USP54: variants seen among roughly 807,000 people sequenced by gnomAD.
USP54 encodes the protein ubiquitin specific peptidase 54.
In USP54, 87 loss-of-function variants were observed where a neutral mutation model predicts 170.5. The ratio of observed to expected loss-of-function variants is 0.51; its 90% CI spans 0.43 to 0.61. USP54 has a LOEUF of 0.61. USP54 is among the 20% of genes least tolerant of loss of function. USP54 has a pLI of 0.00. For synonymous variants in USP54, 655 were observed against 742.8 expected (o/e 0.88, Z 1.92); for missense variants, 1,786 against 2,047.8 (o/e 0.87, Z 2.47).
intron 17 of USP54, among the ~76,000 whole-genome samples, chr10:73,522,636 A>C (rs1421121556): frequency 1.3e-5 from 2 of 152,250 alleles, no homozygotes; most frequent in Non-Finnish European, 2.9e-5. Context: ...AGACTATCCA[A>C]ATATAGAGAC....
At chr10:73,569,902 CAAAAAAAAAAAAAAAAAAAAAAA>C (rs34676499) in intron 4 of USP54, among the ~76,000 whole-genome samples, 296 of 18,714 alleles carry the variant, frequency 0.016, 4 homozygotes, top group African/African-American at 0.061. Flanking sequence ...ATTTCATCTC[CAAAAAAAAAAAAAAAAAAAAAAA>C]AAAAAAAAAA....
At chr10:73,505,013 A>G (rs2058852467) in intron 21 of USP54, 23 bp from the exon 22 acceptor site, 2 of 1,613,948 alleles carry the variant, frequency 1.2e-6, no homozygotes, top group Non-Finnish European at 1.7e-6. Flanking sequence ...AGACACATAC[A>G]GGCAGACACA....
At chr10:73,535,485 T>C (rs937470445) in intron 11 of USP54, among the ~76,000 whole-genome samples, 4 of 152,124 alleles carry the variant, frequency 2.6e-5, no homozygotes, top group Non-Finnish European at 5.9e-5. Context: ...CAAGGGCCAG[T>C]ACCAGATCCA....
At chr10:73,592,759 C>G (rs557276156), upstream of USP54, among the ~76,000 whole-genome samples, 3 of 152,172 alleles carry the variant, frequency 2.0e-5, no homozygotes, top group Non-Finnish European at 2.9e-5. Flanking sequence ...CTGATTACAA[C>G]TAGACAACAT....
chr10:73,533,122 C>T (rs921575296), intron 12 of USP54, among the ~76,000 whole-genome samples: 2 of 151,870 alleles, frequency 1.3e-5, no homozygotes, highest in Admixed American at 6.6e-5. Context: ...CTGGCTAACA[C>T]GGTGAAACCC....
At chr10:73,510,932 G>T (rs2060100224) in intron 20 of USP54, among the ~76,000 whole-genome samples, 1 of 151,962 alleles carries the variant, frequency 6.6e-6, no homozygotes, top group Non-Finnish European at 1.5e-5. Context: ...AATTAATCTG[G>T]TTACAAAAGA....
At chr10:73,544,621 T>G (rs893439398) in intron 5 of USP54, among the ~76,000 whole-genome samples, 1 of 152,192 alleles carries the variant, frequency 6.6e-6, no homozygotes, top group African/African-American at 2.4e-5. Flanking sequence ...CCACCAGCAA[T>G]ATATCAGTGA....
chr10:73,499,558 CA>C (rs2057620598), intron 23 of USP54: 1 of 166,188 alleles, frequency 6.0e-6, no homozygotes, highest in African/African-American at 2.4e-5. Flanking sequence ...GCCACCATAC[CA>C]AAACCTCACG....
upstream of USP54, among the ~76,000 whole-genome samples, chr10:73,592,143 T>C (rs1308941744): frequency 6.6e-6 from 1 of 151,950 alleles, no homozygotes; most frequent in African/African-American, 2.4e-5. Flanking sequence ...GAACTTGCAT[T>C]TGCAGGCAGG....
Position 73,514,360 on chromosome 10 carries a change from C to T in USP54, c.4051+2015G>A, listed in dbSNP as rs537733359. Among the ~76,000 whole-genome samples, 253 of 151,866 alleles carry T rather than the reference C, an allele frequency of 1.7e-3. 1 individual carries two copies. The highest frequency in any genetic ancestry group is 5.9e-3 in the African/African-American group (243 of 41,430). ...AGTGGATCACTTGAGGTTAGGGCTT[C>T]GAGATGAGCCTGGCCAACATGGTGA... On this transcript the variant is annotated intron_variant, in intron 20 of 23. Transcript: ENST00000687698.
intron 20 of USP54, among the ~76,000 whole-genome samples, chr10:73,513,974 C>A (rs1464700681): frequency 2.0e-5 from 3 of 152,080 alleles, no homozygotes; most frequent in Non-Finnish European, 4.4e-5. Flanking sequence ...CGCCACCATG[C>A]CCAGCTAATT....
chr10:73,570,189 A>C (rs2074859597), intron 4 of USP54, among the ~76,000 whole-genome samples: 1 of 152,068 alleles, frequency 6.6e-6, no homozygotes, highest in African/African-American at 2.4e-5. Context: ...CATATAATCC[A>C]TTATATATCT....
At chr10:73,605,996 G>A (rs965415563) in intron 1 of USP54, among the ~76,000 whole-genome samples, 1 of 151,742 alleles carries the variant, frequency 6.6e-6, no homozygotes, top group Non-Finnish European at 1.5e-5. Flanking sequence ...TGGCCAACAT[G>A]GTGAAACCCT....
chr10:73,544,726 T>A (rs2067374866), intron 5 of USP54, among the ~76,000 whole-genome samples: 1 of 152,110 alleles, frequency 6.6e-6, no homozygotes, highest in Admixed American at 6.5e-5. Flanking sequence ...TTTCTTTTTT[T>A]CTTTTGAGAC....
intron 20 of USP54, among the ~76,000 whole-genome samples, chr10:73,507,863 T>C: frequency 6.6e-6 from 1 of 151,616 alleles, no homozygotes; most frequent in East Asian, 1.9e-4. Context: ...TAGCCAGGTA[T>C]GGTGGTGCAC....
chr10:73,600,192 C>A (rs1194548118), intron 1 of USP54, among the ~76,000 whole-genome samples: 1 of 152,146 alleles, frequency 6.6e-6, no homozygotes, highest in East Asian at 1.9e-4. Flanking sequence ...AGCAACCGCG[C>A]CCGGCCCAAG....
intron 1 of USP54, among the ~76,000 whole-genome samples, chr10:73,615,946 C>T (rs1314083322): frequency 6.7e-6 from 1 of 148,484 alleles, no homozygotes; most frequent in East Asian, 1.9e-4. Flanking sequence ...GTGGCTCACA[C>T]CTGTAATCCC....
chr10:73,569,350 G>C (rs1296476886), intron 4 of USP54, among the ~76,000 whole-genome samples: 3 of 152,072 alleles, frequency 2.0e-5, no homozygotes, highest in Non-Finnish European at 4.4e-5. Flanking sequence ...CAGATAAAAT[G>C]CCCTTTGGAT....
At chr10:73,556,980 T>C (rs2071257347) in intron 4 of USP54, among the ~76,000 whole-genome samples, 1 of 152,140 alleles carries the variant, frequency 6.6e-6, no homozygotes, top group South Asian at 2.1e-4. Flanking sequence ...ATTTAATCAA[T>C]CAATGCACAT....
Sources: allele counts gnomAD v4.1 joint callset (sites outside exome capture counted in the v4.1 genomes callset), GRCh38; gene constraint gnomAD v4.1.1; transcripts MANE v1.5; gene names NCBI Gene and HGNC (gene_info 2026-07-23, HGNC 2026-07-21).